The following HDAC5 variants were observed in gnomAD, a reference collection of about 807,000 sequenced individuals.
HDAC5 encodes the protein antigen NY-CO-9.
HDAC5 carries 25 observed loss-of-function variants against 133.3 expected under a neutral mutation model. That is an observed-to-expected ratio of 0.19 (90% CI 0.14 to 0.26). The LOEUF (loss-of-function observed/expected upper bound fraction) is 0.26, where lower values mean the gene tolerates loss of function less well. HDAC5 is among the 10% of genes least tolerant of loss of function. The pLI is 1.00. For synonymous variants in HDAC5, 589 were observed against 610.8 expected (o/e 0.96, Z 0.53); for missense variants, 1,041 against 1,460.5 (o/e 0.71, Z 4.68).
rs1598042168 is a variant in HDAC5, at chr17:44,117,194, G to GC, written c.22+299dup. On this transcript the variant is annotated intron_variant, in intron 2 of 26. Transcript: ENST00000682912. The surrounding 1 kb of genome is among the most constrained non-coding windows in gnomAD (Gnocchi z 4.2). ...TAAGGGATACACACTGCCCCCTCAG[G>GC]CCCACCTGTCTTGGCTAGCAGGGGA... Among the ~76,000 whole-genome samples the GC allele has an allele frequency of 6.6e-6, 1 of 152,186 alleles. No individual in the cohort carries two copies. The highest frequency in any genetic ancestry group is 2.4e-5 in the African/African-American group (1 of 41,450).
Position 44,091,454 on chromosome 17 carries a change from C to T in HDAC5, c.1203G>A (p.Arg401=). ...CCTGCCGCAGGGACTGGAGGGCCTGCCTCTCGGCCTCCTGCTGTGTCGACA... is the reference window on the plus strand; with the variant it reads ...CCTGCCGCAGGGACTGGAGGGCCTGTCTCTCGGCCTCCTGCTGTGTCGACA... ...PKLSTQQEAE[R]QALQSLRQGG... The change falls in exon 11 of 27, where the codon AGG becomes AGA. Residue 401 remains arginine, a synonymous_variant. Transcript: ENST00000682912. 1 of 1,544,710 alleles carries T rather than the reference C, an allele frequency of 6.5e-7. No homozygotes were observed. The highest frequency in any genetic ancestry group is 8.7e-7 in the Non-Finnish European group (1 of 1,146,808).
Position 44,093,083 on chromosome 17 carries a change from G to C in HDAC5, c.641+9C>G. On this transcript the variant is annotated intron_variant, in intron 6 of 26. Coordinates refer to ENST00000682912, the MANE Select transcript of HDAC5 (RefSeq NM_005474.5). ...CCTATGCCCACCCATGCCTGCCCAGGGCCATTACCAGCATTTGGGGTGCTG... is the reference window on the plus strand; with the variant it reads ...CCTATGCCCACCCATGCCTGCCCAGCGCCATTACCAGCATTTGGGGTGCTG... 2 of 1,598,188 alleles carry C rather than the reference G, an allele frequency of 1.3e-6. No individual in the cohort carries two copies. The highest frequency in any genetic ancestry group is 1.7e-6 in the Non-Finnish European group (2 of 1,169,638).
At chr17:44,083,715 T>C in intron 17 of HDAC5, 63 bp from the exon 18 acceptor site, 1 of 1,582,442 alleles carries the variant, frequency 6.3e-7, no homozygotes, top group Non-Finnish European at 8.7e-7. Flanking sequence ...GGAGGGCACC[T>C]GGACAGTGGG....
At chr17:44,094,592 G>A (rs895468851) in intron 3 of HDAC5, among the ~76,000 whole-genome samples, 51 of 151,418 alleles carry the variant, frequency 3.4e-4, no homozygotes, top group Non-Finnish European at 1.0e-4. Flanking sequence ...AGCCAAGATC[G>A]CACCACTGCA....
chr17:44,108,759 A>C (rs1481717002), intron 3 of HDAC5, among the ~76,000 whole-genome samples: 44 of 135,856 alleles, frequency 3.2e-4, no homozygotes, highest in African/African-American at 1.2e-3. Flanking sequence ...TCCAAAAAAA[A>C]AACAAAAAAA....
chr17:44,110,218 GTGTCTGAT>G (rs944869722), intron 3 of HDAC5, among the ~76,000 whole-genome samples: 4 of 152,228 alleles, frequency 2.6e-5, no homozygotes, highest in African/African-American at 4.8e-5. Flanking sequence ...GCCTCCCCAA[GTGTCTGAT>G]TCTCAAGAGA....
At chr17:44,096,470 T>C (rs1229878302) in intron 3 of HDAC5, among the ~76,000 whole-genome samples, 1 of 151,300 alleles carries the variant, frequency 6.6e-6, no homozygotes, top group Non-Finnish European at 1.5e-5. Flanking sequence ...TTTTGGTTTT[T>C]TTTTGTTTTT....
In HDAC5 at chr17:44,091,371, C is replaced by G. The variant is rs768269879; in HGVS notation, c.1286G>C (p.Gly429Ala). 8 of 1,594,994 alleles carry G rather than the reference C, an allele frequency of 5.0e-6. No individual in the cohort carries two copies. Among genetic ancestry groups the G allele is most frequent in the Non-Finnish European group, 6.0e-6 (7 of 1,170,918 alleles). The change falls in exon 11 of 27, where the codon GGC becomes GCC. Residue 429 changes from glycine (G) to alanine (A), a missense_variant. Gly to Ala is a moderately conservative substitution (Grantham distance 60). Coordinates refer to ENST00000682912, the MANE Select transcript of HDAC5 (RefSeq NM_005474.5). ...GCTCCCGTCGCCCTCCAGTGCCACG[C>G]CCAGCAGGCAGCCAGGAATAGAGGA... ...STSSIPGCLL[G>A]VALEGDGSPH...
rs375278662 is a variant in HDAC5 at position 44,093,095 on chromosome 17, C to T, written c.638G>A (p.Cys213Tyr). The part of the protein sequence containing the change: ...LNHSLPQHPK[C>Y]WGAHHASLDQ... ...CATGCCTGCCCAGGGCCATTACCAG[C>T]ATTTGGGGTGCTGTGGGAGGGAATG... Residue 213 changes from cysteine to tyrosine, a missense_variant, in exon 6 of 27, where the codon TGC (cysteine) becomes TAC (tyrosine). Cys to Tyr is a radical substitution (Grantham distance 194). This residue lies in a region of HDAC5 where 109 missense variants were observed against 168.0 expected (regional missense o/e 0.65). Coordinates refer to ENST00000682912, the MANE Select transcript of HDAC5 (RefSeq NM_005474.5). 2.5e-6 allele frequency: 4 copies of T among 1,609,368 alleles called. No homozygotes were observed. The highest frequency in any genetic ancestry group is 2.7e-5 in the African/African-American group (2 of 74,798).
At chr17:44,123,133 A>G (rs960173557) in intron 1 of HDAC5, 9 of 178,318 alleles carry the variant, frequency 5.0e-5, no homozygotes, top group Non-Finnish European at 1.1e-4. Context: ...ATCCGGGTGC[A>G]GGGCTCAAAT....
chr17:44,094,364 G>A (rs188455271), intron 3 of HDAC5, among the ~76,000 whole-genome samples: 86 of 151,560 alleles, frequency 5.7e-4, no homozygotes, highest in African/African-American at 1.9e-3. Context: ...GAGGCCGGGC[G>A]CGGTGGCTCT....
At chr17:44,090,818 T>A (rs1175205174) in intron 11 of HDAC5, among the ~76,000 whole-genome samples, 1 of 151,948 alleles carries the variant, frequency 6.6e-6, no homozygotes, top group Non-Finnish European at 1.5e-5. Context: ...GCCTCCTGAG[T>A]AGCTGGGACT....
At position 44,122,478 on chromosome 17, in the gene HDAC5, TG is replaced by T. The variant is rs148554441; in HGVS notation, c.-190+1025del. 1.0e-3 allele frequency among the ~76,000 whole-genome samples: 152 copies of T among 152,228 alleles called. No individual in the cohort carries two copies. The East Asian group carries it at 0.028, about 28-fold the overall frequency. ...AATCTAATCCCAGATCCCAAAAGCATGGTGGTCACTGACTGAGTGATGGGTC... is the reference window on the plus strand; with the variant it reads ...AATCTAATCCCAGATCCCAAAAGCATGTGGTCACTGACTGAGTGATGGGTC... On this transcript the variant is annotated intron_variant, in intron 1 of 26. Transcript: ENST00000682912.
chr17:44,107,330 C>T (rs773517241), intron 3 of HDAC5, among the ~76,000 whole-genome samples: 2 of 152,150 alleles, frequency 1.3e-5, no homozygotes, highest in Non-Finnish European at 1.5e-5. Context: ...TGGCAAGGGC[C>T]GGGCGTGGTG....
chr17:44,088,233 G>A (rs1013886696), intron 12 of HDAC5, among the ~76,000 whole-genome samples, 154 bp downstream of exon 12: 6 of 152,100 alleles, frequency 3.9e-5, no homozygotes, highest in Admixed American at 6.5e-5. Flanking sequence ...GGCTGGTCTC[G>A]AACTCCTGAC....
chr17:44,083,711 C>T, intron 17 of HDAC5, 59 bp from the exon 18 acceptor site: 1 of 1,583,618 alleles, frequency 6.3e-7, no homozygotes, highest in Non-Finnish European at 8.7e-7. Flanking sequence ...CAGGGGAGGG[C>T]ACCTGGACAG....
At chr17:44,122,893 CAGG>C (rs1366796576) in intron 1 of HDAC5, among the ~76,000 whole-genome samples, 2 of 152,194 alleles carry the variant, frequency 1.3e-5, no homozygotes, top group Non-Finnish European at 2.9e-5. Context: ...AGGTGTCAGA[CAGG>C]AGAAGAGGGT....
At chr17:44,102,170 T>C (rs1031387815) in intron 3 of HDAC5, among the ~76,000 whole-genome samples, 1 of 152,204 alleles carries the variant, frequency 6.6e-6, no homozygotes, top group Non-Finnish European at 1.5e-5. Flanking sequence ...AGGGGTGAGT[T>C]GGGGCTGACA....
intron 18 of HDAC5, 29 bp from the exon 19 acceptor site, chr17:44,082,849 C>G: frequency 1.3e-6 from 2 of 1,550,646 alleles, no homozygotes; most frequent in Non-Finnish European, 1.7e-6. Flanking sequence ...AGGTGAGGGG[C>G]AAGATCCAGG....
Sources: allele counts gnomAD v4.1 joint callset (sites outside exome capture counted in the v4.1 genomes callset), GRCh38; gene constraint gnomAD v4.1.1; regional missense constraint gnomAD v4.1.1; non-coding constraint Gnocchi (gnomAD v3.1); transcripts MANE v1.5; gene names NCBI Gene and HGNC (gene_info 2026-07-23, HGNC 2026-07-21).